HSPA4: variants seen among roughly 807,000 people sequenced by gnomAD.
The protein encoded by HSPA4 is heat shock 70 kDa protein 4.
In HSPA4, 25 loss-of-function variants were observed where a neutral mutation model predicts 106.2. The ratio of observed to expected loss-of-function variants is 0.24; its 90% CI spans 0.17 to 0.33. The LOEUF (loss-of-function observed/expected upper bound fraction) is 0.33. Among genes scored for constraint, HSPA4 ranks in the 10% least tolerant of loss-of-function variants. The probability of loss-of-function intolerance (pLI) is 1.00; values close to 1 mark genes in which losing one functional copy is unlikely to be tolerated. For synonymous variants in HSPA4, 332 were observed against 333.6 expected (o/e 1.00, Z 0.05); for missense variants, 841 against 996.0 (o/e 0.84, Z 2.10).
At position 133,092,179 on chromosome 5, in the gene HSPA4, C is replaced by G. The variant is rs188700199; in HGVS notation, c.1561-521C>G. Among the ~76,000 whole-genome samples, 3 of 152,328 alleles carry G rather than the reference C, an allele frequency of 2.0e-5. No homozygotes were observed. In the East Asian group the frequency reaches 5.8e-4, roughly 29 times the overall value. On this transcript the variant is annotated intron_variant, in intron 12 of 18. Coordinates refer to ENST00000304858, the MANE Select transcript of HSPA4 (RefSeq NM_002154.4). ...ATATGTTGCAGGCATTGAGAAGCCA[C>G]TGGTTCAGGCTCTCCACAAACCTTC...
chr5:133,064,119 A>G (rs576138151), intron 1 of HSPA4, among the ~76,000 whole-genome samples: 41 of 152,350 alleles, frequency 2.7e-4, no homozygotes, highest in African/African-American at 9.9e-4. Flanking sequence ...CGCCTTTCTA[A>G]AAGAAGCAGT....
chr5:133,064,540 A>C (rs961719034), intron 1 of HSPA4, among the ~76,000 whole-genome samples: 4 of 152,164 alleles, frequency 2.6e-5, no homozygotes, highest in Admixed American at 2.6e-4. Context: ...AACTAGTTGT[A>C]GAAAAATTAC....
At position 133,102,471 on chromosome 5, in the gene HSPA4, T is replaced by C. The variant is rs1296968864; in HGVS notation, c.2157+593T>C. Among the ~76,000 whole-genome samples, 4 of 152,200 alleles carry C rather than the reference T, an allele frequency of 2.6e-5. No individual in the cohort carries two copies. The East Asian group carries it at 7.7e-4, about 29-fold the overall frequency. On this transcript the variant is annotated intron_variant, in intron 17 of 18. Coordinates refer to ENST00000304858, the MANE Select transcript of HSPA4 (RefSeq NM_002154.4). The stretch of plus-strand genomic sequence containing the variant: ...GCACTATCCTGGTCTTTCTAACACC[T>C]GAGGCCAGTAATTATCCACACAGTA...
rs200364685 is a variant in HSPA4, at chr5:133,097,405, T to TG, written c.1929+127dup. The TG allele has an allele frequency of 9.0e-4, 697 of 770,170 alleles. 1 individual carries two copies. The highest frequency in any genetic ancestry group is 1.0e-3 in the South Asian group (34 of 33,672). 47.7% of individuals were successfully genotyped at this position (770,170 alleles called of 1,614,324 possible). ...AGAATTATTAAAAATGGAGTTTTTCTGGGGGGGGCAAAATTTTATATTTTT... is the reference window on the plus strand; with the variant it reads ...AGAATTATTAAAAATGGAGTTTTTCTGGGGGGGGGCAAAATTTTATATTTTT... On this transcript the variant is annotated intron_variant, in intron 15 of 18. Coordinates refer to ENST00000304858, the MANE Select transcript of HSPA4 (RefSeq NM_002154.4).
intron 12 of HSPA4, 97 bp downstream of exon 12, chr5:133,091,471 C>T (rs1327995546): frequency 2.3e-6 from 2 of 867,568 alleles, no homozygotes; most frequent in Admixed American, 2.7e-5. Flanking sequence ...AGCATTGTGA[C>T]AGAGCTGCTG....
chr5:133,067,706 C>T (rs1765325973), intron 3 of HSPA4, 149 bp downstream of exon 3: 3 of 670,812 alleles, frequency 4.5e-6, no homozygotes, highest in African/African-American at 1.8e-5. Context: ...GACTATTTGA[C>T]AATTTTTGAA....
rs1765826777 is a variant in HSPA4 at position 133,104,277 on chromosome 5, C to G, written c.2364C>G (p.Pro788=). ...TCSPIISKPK[P]KVEPPKEEQK... ...GCCCTATAATTTCAAAGCCCAAACC[C>G]AAAGTGGAACCTCCAAAAGAGGAAC... The change falls in exon 19 of 19, where the codon CCC becomes CCG. Residue 788 remains proline (P), a synonymous_variant. Transcript: ENST00000304858. 1 of 1,613,922 alleles carries G rather than the reference C, an allele frequency of 6.2e-7. No individual in the cohort carries two copies. Among genetic ancestry groups the G allele is most frequent in the African/African-American group, 1.3e-5 (1 of 74,860 alleles).
At chr5:133,086,492 T>C (rs549520784) in intron 7 of HSPA4, among the ~76,000 whole-genome samples, 2 of 152,364 alleles carry the variant, frequency 1.3e-5, no homozygotes, top group South Asian at 4.1e-4. Flanking sequence ...AACGTTGATA[T>C]ACCAGTTTTG....
rs992570681 is a variant in HSPA4, at chr5:133,096,115, C to T, written c.1668C>T (p.Ser556=). 3.7e-6 allele frequency: 6 copies of T among 1,613,508 alleles called. No homozygotes were observed. The highest frequency in any genetic ancestry group is 4.2e-6 in the Non-Finnish European group (5 of 1,179,722). The part of the protein sequence containing the change: ...SEEMETSQAG[S]KDKKMDQPPQ... ...TGTTTTAGACCTCTCAAGCTGGATC[C>T]AAGGATAAAAAGATGGACCAACCAC... Residue 556 remains serine (S), a synonymous_variant, in exon 14 of 19, where the codon TCC becomes TCT. Coordinates refer to ENST00000304858, the MANE Select transcript of HSPA4 (RefSeq NM_002154.4).
chr5:133,086,926 T>A, intron 8 of HSPA4, 68 bp downstream of exon 8: 1 of 1,240,446 alleles, frequency 8.1e-7, no homozygotes, highest in Non-Finnish European at 1.2e-6. Flanking sequence ...TTTATTATCT[T>A]ACTTTTGCAA....
chr5:133,057,458 AAGCAGTTCTGGTGCCTC>A (rs1442948283), intron 1 of HSPA4, among the ~76,000 whole-genome samples: 3 of 151,624 alleles, frequency 2.0e-5, no homozygotes, highest in Admixed American at 6.6e-5. Flanking sequence ...TTTCAGGCTC[AAGCAGTTCTGGTGCCTC>A]AGCCTCCCGA....
At chr5:133,064,672 T>A (rs182571566) in intron 1 of HSPA4, among the ~76,000 whole-genome samples, 1,993 of 152,340 alleles carry the variant, frequency 0.013, 41 homozygotes, top group African/African-American at 0.046. Context: ...CATTATTTTA[T>A]ACTGGGATTT....
chr5:133,102,036 C>T (rs1765792311), intron 17 of HSPA4, among the ~76,000 whole-genome samples, 158 bp downstream of exon 17: 1 of 150,336 alleles, frequency 6.7e-6, no homozygotes, highest in African/African-American at 2.4e-5. Flanking sequence ...AAGCAATTCT[C>T]CTGCCTCAGC....
In HSPA4 at chr5:133,104,610, A is replaced by G. The variant is rs1765832557; in HGVS notation, c.*174A>G. The G allele has an allele frequency of 1.0e-5, 6 of 601,312 alleles. No individual in the cohort carries two copies. In the South Asian group the frequency reaches 1.0e-4, roughly 10 times the overall value. 37.2% of individuals were successfully genotyped at this position (601,312 alleles called of 1,614,324 possible). Reference sequence around the variant, plus strand: ...AGCATTTTCACTTCTAAATAGTTAGATACAGAAATTAAGTGCATTGTATCT... The same window carrying G: ...AGCATTTTCACTTCTAAATAGTTAGGTACAGAAATTAAGTGCATTGTATCT... On this transcript the variant is annotated 3_prime_UTR_variant, in exon 19 of 19. Coordinates refer to ENST00000304858, the MANE Select transcript of HSPA4 (RefSeq NM_002154.4).
intron 7 of HSPA4, among the ~76,000 whole-genome samples, chr5:133,083,888 CT>C (rs1261880601): frequency 3.3e-5 from 5 of 152,160 alleles, no homozygotes; most frequent in Admixed American, 3.3e-4. Flanking sequence ...CTGTATACTT[CT>C]TGCAGAAACT....
chr5:133,071,163 C>T (rs1480551400), intron 4 of HSPA4, among the ~76,000 whole-genome samples: 29 of 151,404 alleles, frequency 1.9e-4, no homozygotes. Flanking sequence ...CTGTTGGTAT[C>T]TAGCGTTAAA....
chr5:133,099,719 T>C, intron 16 of HSPA4, 67 bp downstream of exon 16: 1 of 725,908 alleles, frequency 1.4e-6, no homozygotes, highest in Non-Finnish European at 2.4e-6. Context: ...GAGCTCAAAT[T>C]TGGGAGGAAT....
intron 11 of HSPA4, 21 bp from the exon 12 acceptor site, chr5:133,091,172 T>C (rs764361318): frequency 1.2e-6 from 2 of 1,601,874 alleles, no homozygotes; most frequent in African/African-American, 1.3e-5. Context: ...ATGTGTTCTT[T>C]TGTCTCTCGT....
Position 133,052,347 on chromosome 5 carries a change from C to T in HSPA4, c.97C>T (p.Arg33Cys). Residue 33 changes from arginine (R) to cysteine (C), a missense_variant, in exon 1 of 19, where the codon CGC (arginine) becomes TGC (cysteine). By Grantham distance (180) the Arg-to-Cys change is radical. This residue lies in a region of HSPA4 where 347 missense variants were observed against 408.7 expected (regional missense o/e 0.85). Transcript: ENST00000304858. ...GACTATCGCTAATGAGTATAGCGAC[C>T]GCTGCACGCCGTAAGTGTGGGCCGG... The part of the protein sequence containing the change: ...IETIANEYSD[R>C]CTPACISFGP... The T allele has an allele frequency of 6.4e-7, 1 of 1,552,350 alleles. No homozygotes were observed. The highest frequency in any genetic ancestry group is 8.7e-7 in the Non-Finnish European group (1 of 1,149,968).
Sources: gnomAD v4.1 joint callset for allele counts (sites outside exome capture counted in the v4.1 genomes callset) on GRCh38, gnomAD v4.1.1 for gene constraint, gnomAD v4.1.1 regional missense constraint, MANE v1.5 for transcripts, NCBI Gene and HGNC (gene_info 2026-07-23, HGNC 2026-07-21) for gene names.